The following STAR variants were observed in gnomAD, a reference collection of about 807,000 sequenced individuals.
STAR encodes steroidogenic acute regulatory protein, also known as steroidogenic acute regulatory protein, mitochondrial.
Under a neutral mutation model 32.3 loss-of-function variants are expected in STAR, and 32 were observed. That is an observed-to-expected ratio of 0.99 (90% CI 0.75 to 1.33). The LOEUF (loss-of-function observed/expected upper bound fraction) is 1.33, where lower values mean the gene tolerates loss of function less well. Ranked by LOEUF, STAR falls within the 40% of genes most tolerant of loss-of-function variation. STAR has a pLI of 0.00. For synonymous variants in STAR, 134 were observed against 140.5 expected (o/e 0.95, Z 0.33); for missense variants, 375 against 379.0 (o/e 0.99, Z 0.09).
At chr8:38,144,549 T>G (rs1218039222) in intron 6 of STAR, 163 bp from the exon 7 acceptor site, 14 of 1,476,330 alleles carry the variant, frequency 9.5e-6, no homozygotes, top group Non-Finnish European at 1.2e-5. Flanking sequence ...GCATTGCTCC[T>G]CTGCTGTCAT....
Position 38,148,653 on chromosome 8 carries a change from TC to T in STAR, c.165del (p.Ser56AlafsTer53), listed in dbSNP as rs1802617637. 1 of 1,614,030 alleles carries T rather than the reference TC, an allele frequency of 6.2e-7. No homozygotes were observed. On this transcript the variant is annotated frameshift_variant, in exon 2 of 7. Transcript: ENST00000276449. LOFTEE classifies it high-confidence loss of function. ...CCTCAGCACTTACCGAGTAGAGAGCTCCGCCGCCGAACCTGGTTAATCCACG... is the reference window on the plus strand; with the variant it reads ...CCTCAGCACTTACCGAGTAGAGAGCTCGCCGCCGAACCTGGTTAATCCACG... ...PSTWINQVRR[R>X]SSLLGSRLEE...
chr8:38,149,712 G>A (rs987356952), intron 1 of STAR, among the ~76,000 whole-genome samples: 1 of 152,298 alleles, frequency 6.6e-6, no homozygotes, highest in African/African-American at 2.4e-5. Flanking sequence ...GGTGGTGCAC[G>A]CCTGTGGTCC....
At chr8:38,147,324 T>C (rs559775540) in intron 3 of STAR, among the ~76,000 whole-genome samples, 62 of 152,240 alleles carry the variant, frequency 4.1e-4, no homozygotes, top group African/African-American at 1.4e-3. Flanking sequence ...TAGGTCCAAC[T>C]GAAAAGACTC....
Position 38,143,468 on chromosome 8 carries a change from A to G in STAR, c.*805T>C, listed in dbSNP as rs1802503187. ...ACTACAGGTTTGCGCCACCACACCC[A>G]GCTAATTTTTTGTATTTTAGTAGAG... On this transcript the variant is annotated 3_prime_UTR_variant, in exon 7 of 7. Coordinates refer to ENST00000276449, the MANE Select transcript of STAR (RefSeq NM_000349.3). 2.0e-5 allele frequency among the ~76,000 whole-genome samples: 3 copies of G among 152,064 alleles called. No individual in the cohort carries two copies. The highest frequency in any genetic ancestry group is 4.4e-5 in the Non-Finnish European group (3 of 68,004).
Position 38,147,400 on chromosome 8 carries a change from C to T in STAR, c.306+800G>A, listed in dbSNP as rs1169130023. Among the ~76,000 whole-genome samples, 4 of 152,256 alleles carry T rather than the reference C, an allele frequency of 2.6e-5. No homozygotes were observed. The East Asian group carries it at 7.7e-4, about 29-fold the overall frequency. On this transcript the variant is annotated intron_variant, in intron 3 of 6. Coordinates refer to ENST00000276449, the MANE Select transcript of STAR (RefSeq NM_000349.3). Reference sequence around the variant, plus strand: ...CTGGGAGTGGGAAAAGTGTTTTACACCAGCTTAATTAGATACATAGAATGT... The same window carrying T: ...CTGGGAGTGGGAAAAGTGTTTTACATCAGCTTAATTAGATACATAGAATGT...
rs572306532 is a variant in STAR at position 38,145,897 on chromosome 8, T to C, written c.650+66A>G. ...CTTGGAGCTGGGGATGCAGTCCACA[T>C]GCTTGGGTGCACACCTGCAGGCCTG... On this transcript the variant is annotated intron_variant, in intron 5 of 6. Coordinates refer to ENST00000276449, the MANE Select transcript of STAR (RefSeq NM_000349.3). The C allele has an allele frequency of 3.1e-5, 50 of 1,602,528 alleles. No homozygotes were observed. In the South Asian group the frequency reaches 4.7e-4, roughly 15 times the overall value.
intron 3 of STAR, among the ~76,000 whole-genome samples, chr8:38,146,703 C>T (rs972513845): frequency 2.6e-5 from 4 of 151,486 alleles, no homozygotes; most frequent in Admixed American, 1.3e-4. Context: ...TGAACCTGCA[C>T]GGCAGAGGTT....
At chr8:38,144,780 G>A (rs1361126037) in intron 6 of STAR, 2 of 628,264 alleles carry the variant, frequency 3.2e-6, no homozygotes, top group African/African-American at 1.9e-5. Flanking sequence ...ACTTTTGGAG[G>A]CAGGCAGATC....
intron 6 of STAR, 165 bp downstream of exon 6, chr8:38,145,057 G>A: frequency 2.0e-6 from 3 of 1,482,838 alleles, no homozygotes; most frequent in Non-Finnish European, 2.7e-6. Context: ...AGGCTTTGGA[G>A]ATGGTAGAGT....
chr8:38,150,040 G>C (rs1802640225), intron 1 of STAR, among the ~76,000 whole-genome samples: 1 of 152,092 alleles, frequency 6.6e-6, no homozygotes, highest in South Asian at 2.1e-4. Flanking sequence ...AGTGAGCCGA[G>C]ATCGTGCCAC....
intron 5 of STAR, chr8:38,145,541 C>T (rs575334952): frequency 7.0e-4 from 437 of 621,732 alleles, no homozygotes; most frequent in Non-Finnish European, 1.1e-3. Context: ...GCCTCTTGTG[C>T]CCTTTAGTTG....
At position 38,148,729 on chromosome 8, in the gene STAR, G is replaced by A. The variant is rs1290741641; in HGVS notation, c.90C>T (p.Ala30=). The change falls in exon 2 of 7, where the codon GCC becomes GCT. Residue 30 remains alanine (A), a synonymous_variant. Transcript: ENST00000276449. ...CCCTCCGGTTCAGCTCCTGGCTGAT[G>A]GCCATCACAGCCTGTTGCCTCAGCC... is the stretch of plus-strand genomic sequence containing the variant. ...MKGLRQQAVM[A]ISQELNRRAL... 15 of 1,613,730 alleles carry A rather than the reference G, an allele frequency of 9.3e-6. No homozygotes were observed. The highest frequency in any genetic ancestry group is 1.2e-5 in the Non-Finnish European group (14 of 1,180,028).
At chr8:38,146,530 C>T in intron 3 of STAR, 83 bp from the exon 4 acceptor site, 1 of 1,512,488 alleles carries the variant, frequency 6.6e-7, no homozygotes, top group East Asian at 2.3e-5. Flanking sequence ...ATAATCCCAG[C>T]ACTTTGGGAG....
chr8:38,145,070 CAGTT>C lies in STAR; in HGVS notation c.744+148_744+151del, dbSNP rs1469831340. ...ACAGGCTTTGGAGATGGTAGAGTAGCAGTTAGGCCATCACTCCAGACCCTTCCCT... is the reference window on the plus strand; with the variant it reads ...ACAGGCTTTGGAGATGGTAGAGTAGCAGGCCATCACTCCAGACCCTTCCCT... On this transcript the variant is annotated intron_variant, in intron 6 of 6. Transcript: ENST00000276449. The C allele has an allele frequency of 6.0e-6, 9 of 1,505,140 alleles. No homozygotes were observed. In the South Asian group the frequency reaches 9.7e-5, roughly 16 times the overall value. The allele number at this position is 1,505,140 out of a possible 1,614,324, so 93.2% of individuals were successfully genotyped here.
At chr8:38,147,320 C>A (rs1007055103) in intron 3 of STAR, among the ~76,000 whole-genome samples, 1 of 152,124 alleles carries the variant, frequency 6.6e-6, no homozygotes, top group African/African-American at 2.4e-5. Flanking sequence ...TGGGTAGGTC[C>A]AACTGAAAAG....
rs570219005 is a variant in STAR at position 38,143,769 on chromosome 8, C to T, written c.*504G>A. The T allele has an allele frequency of 5.7e-6, 1 of 175,648 alleles. No homozygotes were observed. The highest frequency in any genetic ancestry group is 1.2e-5 in the Non-Finnish European group (1 of 81,322). 10.9% of individuals were successfully genotyped at this position (175,648 alleles called of 1,614,324 possible). A position where few individuals can be genotyped will look rare whatever the true frequency, so the allele number is the denominator to read the frequency against. ...GCTTGGACTATATTTCTGGAAGGCA[C>T]CCACTGTGGGGTGCTGCTTGTTCTG... On this transcript the variant is annotated 3_prime_UTR_variant, in exon 7 of 7. Transcript: ENST00000276449.
chr8:38,144,372 C>T lies in STAR; in HGVS notation c.759G>A (p.Lys253=), dbSNP rs146000965. 42 of 1,600,642 alleles carry T rather than the reference C, an allele frequency of 2.6e-5. No homozygotes were observed. The African/African-American group carries it at 5.0e-4, about 19-fold the overall frequency. Residue 253 remains lysine (K), a synonymous_variant, in exon 7 of 7, where the codon AAG becomes AAA. Transcript: ENST00000276449. Reference sequence around the variant, plus strand: ...GGGACAGGACCTGGTTGATGATGCTCTTGGGCAGCCACCCCTGCAGTAGGA... The same window carrying T: ...GGGACAGGACCTGGTTGATGATGCTTTTGGGCAGCCACCCCTGCAGTAGGA... ...LSIDLKGWLP[K]SIINQVLSQT...
intron 1 of STAR, chr8:38,149,163 G>T (rs1051519308): frequency 3.4e-5 from 8 of 238,112 alleles, no homozygotes; most frequent in African/African-American, 1.6e-4. Flanking sequence ...AGGTCTGTGT[G>T]CTTGCCAGAA....
intron 6 of STAR, 189 bp downstream of exon 6, chr8:38,145,026 AAAAGAAG>A: frequency 7.1e-7 from 1 of 1,408,044 alleles, no homozygotes; most frequent in East Asian, 2.7e-5. Context: ...AAAAAAAAAA[AAAAGAAG>A]AGGGGGCCAT....
Sources: gnomAD v4.1 joint callset for allele counts (sites outside exome capture counted in the v4.1 genomes callset) on GRCh38, gnomAD v4.1.1 for gene constraint, MANE v1.5 for transcripts, NCBI Gene and HGNC (gene_info 2026-07-23, HGNC 2026-07-21) for gene names.